The following ARHGAP25 variants were observed in gnomAD, a reference collection of about 807,000 sequenced individuals.
ARHGAP25 encodes Rho GTPase activating protein 25.
ARHGAP25 carries 34 observed loss-of-function variants against 71.0 expected under a neutral mutation model. The ratio of observed to expected loss-of-function variants is 0.48; its 90% CI spans 0.36 to 0.64. ARHGAP25 has a LOEUF of 0.64. Among genes scored for constraint, ARHGAP25 ranks in the 30% least tolerant of loss-of-function variants. The pLI is 0.00. For synonymous variants in ARHGAP25, 282 were observed against 296.5 expected (o/e 0.95, Z 0.50); for missense variants, 706 against 805.1 (o/e 0.88, Z 1.49).
intron 1 of ARHGAP25, among the ~76,000 whole-genome samples, chr2:68,750,883 T>C (rs1222142667): frequency 6.6e-6 from 1 of 152,196 alleles, no homozygotes; most frequent in South Asian, 2.1e-4. Context: ...AGGTGAAAGC[T>C]TTTTGCTTAT....
intron 10 of ARHGAP25, among the ~76,000 whole-genome samples, chr2:68,825,404 G>A (rs1014346052): frequency 1.3e-5 from 2 of 152,006 alleles, no homozygotes; most frequent in Admixed American, 6.6e-5. Context: ...TTTGTTATCC[G>A]GTTGAAGATA....
intron 5 of ARHGAP25, among the ~76,000 whole-genome samples, chr2:68,809,425 A>G (rs1680616369): frequency 6.6e-6 from 1 of 152,204 alleles, no homozygotes; most frequent in South Asian, 2.1e-4. Context: ...TTAACTCTGA[A>G]GTGAAAGTGA....
intron 2 of ARHGAP25, among the ~76,000 whole-genome samples, chr2:68,776,591 A>G (rs1244496697): frequency 6.6e-6 from 1 of 152,174 alleles, no homozygotes; most frequent in Non-Finnish European, 1.5e-5. Flanking sequence ...TCTTGGGCCT[A>G]GGTCTCTTCG....
intron 10 of ARHGAP25, among the ~76,000 whole-genome samples, chr2:68,825,277 C>G (rs745509969): frequency 9.9e-5 from 15 of 152,176 alleles, no homozygotes; most frequent in Admixed American, 2.0e-4. Flanking sequence ...TGAGGAGGCA[C>G]TCATGAGCAC....
intron 5 of ARHGAP25, among the ~76,000 whole-genome samples, chr2:68,808,492 A>T (rs17035973): frequency 0.02 from 3,061 of 152,214 alleles, 102 homozygotes; most frequent in African/African-American, 0.07. Context: ...GCTTATGGCC[A>T]CAGTTGTAGT....
At chr2:68,772,059 T>A (rs759975784) in intron 1 of ARHGAP25, among the ~76,000 whole-genome samples, 4 of 152,252 alleles carry the variant, frequency 2.6e-5, no homozygotes, top group Non-Finnish European at 5.9e-5. Flanking sequence ...GTTTGTTTGT[T>A]TTTCTTATAG....
At chr2:68,825,879 G>A in intron 10 of ARHGAP25, 108 bp from the exon 11 acceptor site, 1 of 919,284 alleles carries the variant, frequency 1.1e-6, no homozygotes, top group Non-Finnish European at 1.6e-6. Context: ...GGTTGGATAA[G>A]GGTCTTGTGA....
chr2:68,719,435 A>G (rs1055932167), intron 2 of ARHGAP25, among the ~76,000 whole-genome samples: 3 of 151,816 alleles, frequency 2.0e-5, no homozygotes, highest in Non-Finnish European at 4.4e-5. Context: ...TGGCAAAAAA[A>G]AAAAAAAAGA....
intron 1 of ARHGAP25, among the ~76,000 whole-genome samples, chr2:68,740,861 G>T (rs1465559137): frequency 6.6e-6 from 1 of 152,186 alleles, no homozygotes; most frequent in African/African-American, 2.4e-5. Context: ...CCCAAAGAAA[G>T]GGGCTAAATT....
At chr2:68,737,483 A>G (rs568732502) in intron 1 of ARHGAP25, among the ~76,000 whole-genome samples, 32 of 152,188 alleles carry the variant, frequency 2.1e-4, no homozygotes, top group African/African-American at 6.5e-4. Context: ...CTTGGCCTCT[A>G]CCTTCTAGGT....
At chr2:68,723,511 TATA>T (rs1172426090) in intron 2 of ARHGAP25, among the ~76,000 whole-genome samples, 2 of 152,224 alleles carry the variant, frequency 1.3e-5, no homozygotes, top group African/African-American at 4.8e-5. Context: ...TGGTCTGTTG[TATA>T]ATATTATGGC....
At chr2:68,797,662 T>A (rs1199183973) in intron 4 of ARHGAP25, among the ~76,000 whole-genome samples, 1 of 152,178 alleles carries the variant, frequency 6.6e-6, no homozygotes, top group East Asian at 1.9e-4. Context: ...AGTTCTCCCA[T>A]GCACAGCCTG....
chr2:68,819,068 G>A, intron 8 of ARHGAP25, 55 bp from the exon 9 acceptor site: 2 of 1,451,792 alleles, frequency 1.4e-6, no homozygotes, highest in Admixed American at 4.6e-5. Context: ...GATCCTTGAG[G>A]ACTGACTACC....
At chr2:68,802,829 G>A (rs1342839430) in intron 4 of ARHGAP25, among the ~76,000 whole-genome samples, 2 of 151,944 alleles carry the variant, frequency 1.3e-5, no homozygotes, top group Admixed American at 6.6e-5. Flanking sequence ...GCAAATGTTG[G>A]TCATTTGCAT....
rs761861272 is a variant in ARHGAP25 at position 68,822,571 on chromosome 2, A to C, written c.1432A>C (p.Lys478Gln). 6.2e-7 allele frequency: 1 copy of C among 1,614,200 alleles called. No homozygotes were observed. The highest frequency in any genetic ancestry group is 8.5e-7 in the Non-Finnish European group (1 of 1,180,040). The change falls in exon 10 of 11, where the codon AAG becomes CAG. Residue 478 changes from lysine to glutamine, a missense_variant. Coordinates refer to ENST00000409202, the MANE Select transcript of ARHGAP25 (RefSeq NM_001007231.3). ...NEFWSPSSEA[K>Q]AGEGHRRTMS... ...ATTCTGGTCGCCTTCCTCAGAGGCT[A>C]AGGCAGGGGAAGGGCACAGGAGAAC...
At chr2:68,788,862 T>C (rs1678952842) in intron 4 of ARHGAP25, among the ~76,000 whole-genome samples, 1 of 152,174 alleles carries the variant, frequency 6.6e-6, no homozygotes, top group Non-Finnish European at 1.5e-5. Flanking sequence ...ATTTATTTCA[T>C]TGGCCTACAG....
At position 68,724,995 on chromosome 2, in the gene ARHGAP25, C is replaced by T. The variant is rs1028369001; in HGVS notation, c.-18+14297C>T. ...TTTTCTACAATTTAGAAAAACATCACCCCCATGACTGAATGGGTGGCAGAG... is the reference window on the plus strand; with the variant it reads ...TTTTCTACAATTTAGAAAAACATCATCCCCATGACTGAATGGGTGGCAGAG... On this transcript the variant is annotated intron_variant and NMD_transcript_variant, in intron 2 of 7. Transcript: ENST00000463483. 3.9e-5 allele frequency among the ~76,000 whole-genome samples: 6 copies of T among 152,264 alleles called. No homozygotes were observed. In the South Asian group the frequency reaches 1.2e-3, roughly 32 times the overall value.
At chr2:68,714,912 A>G (rs1445787917) in intron 2 of ARHGAP25, among the ~76,000 whole-genome samples, 1 of 152,222 alleles carries the variant, frequency 6.6e-6, no homozygotes, top group Admixed American at 6.5e-5. Flanking sequence ...TCAGATGGGC[A>G]TATGACAATA....
chr2:68,751,756 CT>C (rs1676190345), intron 1 of ARHGAP25, among the ~76,000 whole-genome samples: 1 of 152,206 alleles, frequency 6.6e-6, no homozygotes, highest in Non-Finnish European at 1.5e-5. Flanking sequence ...AGAAAATCTC[CT>C]CATTAAGTAA....
Sources: gnomAD v4.1 joint callset for allele counts (sites outside exome capture counted in the v4.1 genomes callset) on GRCh38, gnomAD v4.1.1 for gene constraint, MANE v1.5 for transcripts, NCBI Gene and HGNC (gene_info 2026-07-23, HGNC 2026-07-21) for gene names.